CACNB4: variants seen among roughly 807,000 people sequenced by gnomAD.
CACNB4 encodes voltage-dependent L-type calcium channel subunit beta-4.
In CACNB4, 32 loss-of-function variants were observed where a neutral mutation model predicts 71.2. That is an observed-to-expected ratio of 0.45 (90% CI 0.34 to 0.60). The LOEUF is 0.60. CACNB4 is among the 20% of genes least tolerant of loss of function. The pLI is 0.01. For synonymous variants in CACNB4, 231 were observed against 236.9 expected (o/e 0.97, Z 0.23); for missense variants, 464 against 647.9 (o/e 0.72, Z 3.08).
chr2:152,034,997 G>C (rs1202226029), intron 2 of CACNB4, among the ~76,000 whole-genome samples: 1 of 152,186 alleles, frequency 6.6e-6, no homozygotes. Context: ...AGTGGCACCT[G>C]CTGTTAAATG....
intron 2 of CACNB4, among the ~76,000 whole-genome samples, chr2:152,021,147 C>T (rs1272372670): frequency 1.3e-5 from 2 of 151,836 alleles, no homozygotes; most frequent in African/African-American, 4.8e-5. Context: ...TTCTGGAGGC[C>T]GAGGCAGGGG....
intron 2 of CACNB4, among the ~76,000 whole-genome samples, chr2:151,975,092 G>A (rs1315584045): frequency 6.6e-6 from 1 of 152,166 alleles, no homozygotes; most frequent in Non-Finnish European, 1.5e-5. Flanking sequence ...AATGAGGTAA[G>A]AAATAACTTA....
intron 2 of CACNB4, among the ~76,000 whole-genome samples, chr2:151,906,132 A>G (rs1173544991): frequency 6.6e-6 from 1 of 152,186 alleles, no homozygotes; most frequent in East Asian, 1.9e-4. Context: ...ATTTTTCTCC[A>G]AAAAGTTGAG....
At chr2:151,989,704 C>A (rs1301314753) in intron 2 of CACNB4, among the ~76,000 whole-genome samples, 1 of 152,202 alleles carries the variant, frequency 6.6e-6, no homozygotes, top group Non-Finnish European at 1.5e-5. Flanking sequence ...TGAAGTTCAA[C>A]AACCACATAT....
At chr2:152,004,784 C>T (rs1313368606) in intron 2 of CACNB4, among the ~76,000 whole-genome samples, 3 of 152,198 alleles carry the variant, frequency 2.0e-5, no homozygotes, top group Non-Finnish European at 4.4e-5. Flanking sequence ...CTGTGGCAAC[C>T]AGGTCACATC....
At chr2:151,902,761 T>C (rs952729194) in intron 2 of CACNB4, among the ~76,000 whole-genome samples, 2 of 151,954 alleles carry the variant, frequency 1.3e-5, no homozygotes, top group African/African-American at 4.8e-5. Context: ...CTAAGCTGCC[T>C]GAAAAACTTG....
intron 2 of CACNB4, among the ~76,000 whole-genome samples, chr2:151,979,409 C>T (rs1315111678): frequency 6.6e-6 from 1 of 151,660 alleles, no homozygotes; most frequent in African/African-American, 2.4e-5. Context: ...ATGACAGATC[C>T]CTCTCTGTGA....
chr2:151,954,917 G>C (rs1482311982), intron 2 of CACNB4, among the ~76,000 whole-genome samples: 1 of 148,530 alleles, frequency 6.7e-6, no homozygotes, highest in South Asian at 2.2e-4. Flanking sequence ...GCAGTGGGGC[G>C]ATCTCAGCTC....
At chr2:152,025,538 A>AGATTGATTGC (rs1683914313) in intron 2 of CACNB4, among the ~76,000 whole-genome samples, 1 of 152,238 alleles carries the variant, frequency 6.6e-6, no homozygotes, top group African/African-American at 2.4e-5. Context: ...AGTGGCTGTA[A>AGATTGATTGC]CACTAAAAGA....
At chr2:152,059,709 G>A (rs1313014762) in intron 2 of CACNB4, among the ~76,000 whole-genome samples, 1 of 152,200 alleles carries the variant, frequency 6.6e-6, no homozygotes, top group Non-Finnish European at 1.5e-5. Flanking sequence ...AAGGCTTTGG[G>A]GGACTGTTGG....
intron 13 of CACNB4, 48 bp downstream of exon 13, chr2:151,841,855 A>T: frequency 6.5e-7 from 1 of 1,540,780 alleles, no homozygotes; most frequent in South Asian, 1.1e-5. Flanking sequence ...TTCCCATAGA[A>T]TTTTACATGT....
chr2:151,909,867 T>C (rs2099855766), intron 2 of CACNB4, among the ~76,000 whole-genome samples: 1 of 152,224 alleles, frequency 6.6e-6, no homozygotes, highest in Admixed American at 6.5e-5. Context: ...GCAATAAACA[T>C]ACATGTGCAT....
chr2:151,930,465 GA>G, intron 2 of CACNB4, among the ~76,000 whole-genome samples: 1 of 152,298 alleles, frequency 6.6e-6, no homozygotes, highest in East Asian at 1.9e-4. Context: ...TAAAAATCAT[GA>G]ATGAATTTGT....
intron 2 of CACNB4, among the ~76,000 whole-genome samples, chr2:151,920,808 G>A (rs1015397027): frequency 4.6e-5 from 7 of 152,122 alleles, no homozygotes; most frequent in Non-Finnish European, 4.4e-5. Context: ...TCAGGATTTT[G>A]AGAGCTGCCT....
intron 2 of CACNB4, among the ~76,000 whole-genome samples, chr2:151,998,239 C>T (rs944739767): frequency 6.1e-5 from 9 of 146,824 alleles, no homozygotes; most frequent in African/African-American, 2.3e-4. Flanking sequence ...ACAAGAGAAT[C>T]GCTTGAACTC....
intron 2 of CACNB4, among the ~76,000 whole-genome samples, chr2:151,932,566 T>C (rs2151606647): frequency 6.6e-6 from 1 of 152,222 alleles, no homozygotes; most frequent in Admixed American, 6.5e-5. Flanking sequence ...CCTATAAAGA[T>C]AATCAGTGTT....
At chr2:152,064,859 C>T (rs545221219) in intron 2 of CACNB4, among the ~76,000 whole-genome samples, 1 of 152,190 alleles carries the variant, frequency 6.6e-6, no homozygotes, top group East Asian at 1.9e-4. Flanking sequence ...TCTAGATTGT[C>T]ATAAAATCCA....
At chr2:151,852,537 T>G (rs1394196948) in intron 12 of CACNB4, 1 of 152,222 alleles carries the variant, frequency 6.6e-6, no homozygotes, top group African/African-American at 2.4e-5. Flanking sequence ...CTAACAGCTT[T>G]ACCACATATT....
chr2:152,050,686 G>C (rs1437793560), intron 2 of CACNB4, among the ~76,000 whole-genome samples: 1 of 151,884 alleles, frequency 6.6e-6, no homozygotes, highest in Non-Finnish European at 1.5e-5. Flanking sequence ...ATTGCACTCC[G>C]GCCTGTGTGA....
Sources: allele counts gnomAD v4.1 joint callset (sites outside exome capture counted in the v4.1 genomes callset), GRCh38; gene constraint gnomAD v4.1.1; transcripts MANE v1.5; gene names NCBI Gene and HGNC (gene_info 2026-07-23, HGNC 2026-07-21).